Variants in WDR33 observed in about 807,000 individuals in gnomAD.
The protein encoded by WDR33 is WD repeat domain 33, also known as pre-mRNA 3' end processing protein WDR33.
In WDR33, 47 loss-of-function variants were observed where a neutral mutation model predicts 164.9. That is an observed-to-expected ratio of 0.29 (90% CI 0.23 to 0.36). The LOEUF is 0.36. WDR33 is among the 10% of genes least tolerant of loss of function. WDR33 has a pLI of 1.00. For missense variants in WDR33, 1,137 were observed against 1,754.1 expected (o/e 0.65, Z 6.28); for synonymous variants, 505 against 589.0 (o/e 0.86, Z 2.06).
chr2:127,713,916 C>G lies in WDR33; in HGVS notation c.2975G>C (p.Gly992Ala). The G allele has an allele frequency of 6.2e-7, 1 of 1,611,200 alleles. No homozygotes were observed. The highest frequency in any genetic ancestry group is 2.2e-5 in the East Asian group (1 of 44,866). ...AGGGGGACCCCTGCAGTCCTGGCCA[C>G]CCCGGAAAGGCCCCCTCTCGGGCCC... Reference protein sequence around the residue: ...EHGPERGPFRGGQDCRGPPDR... With the variant: ...EHGPERGPFRAGQDCRGPPDR... Residue 992 changes from glycine to alanine, a missense_variant, in exon 18 of 22, where the codon GGT (glycine) becomes GCT (alanine). Physicochemically the swap from Gly to Ala is moderately conservative, Grantham distance 60. This residue lies in a region of WDR33 where 867 missense variants were observed against 1,073.0 expected (regional missense o/e 0.81). Coordinates refer to ENST00000322313, the MANE Select transcript of WDR33 (RefSeq NM_018383.5). The surrounding 1 kb of genome is among the most constrained non-coding windows in gnomAD (Gnocchi z 6.2).
intron 7 of WDR33, among the ~76,000 whole-genome samples, chr2:127,755,034 C>T (rs1003271158): frequency 2.0e-5 from 3 of 152,114 alleles, no homozygotes; most frequent in African/African-American, 4.8e-5. Flanking sequence ...AAGAACATGA[C>T]ACCTCAAGAG....
rs1051825220 is a variant in WDR33, at chr2:127,702,761, C to A, written c.*3562G>T. 6.0e-6 allele frequency: 1 copy of A among 166,940 alleles called. No individual in the cohort carries two copies. The highest frequency in any genetic ancestry group is 1.5e-5 in the Non-Finnish European group (1 of 68,102). The allele number at this position is 166,940 out of a possible 1,614,324, so 10.3% of individuals were successfully genotyped here. A position where few individuals can be genotyped will look rare whatever the true frequency, so the allele number is the denominator to read the frequency against. On this transcript the variant is annotated 3_prime_UTR_variant, in exon 22 of 22. Transcript: ENST00000322313. Reference sequence around the variant, plus strand: ...AGTTAACAAAATCATAAATATGGTGCCTTATAACATGAAAGGAAAATTAGT... The same window carrying A: ...AGTTAACAAAATCATAAATATGGTGACTTATAACATGAAAGGAAAATTAGT...
rs190871811 is a variant in WDR33 at position 127,804,967 on chromosome 2, G to A, written c.-24+6045C>T. On this transcript the variant is annotated intron_variant, in intron 1 of 21. Transcript: ENST00000322313. ...AGGTAAATTTGGCATTGTAAATAACGCAAGCTAACATCTGGCAGTCCCTAC... is the reference window on the plus strand; with the variant it reads ...AGGTAAATTTGGCATTGTAAATAACACAAGCTAACATCTGGCAGTCCCTAC... 2.7e-3 allele frequency among the ~76,000 whole-genome samples: 397 copies of A among 149,808 alleles called. 1 individual carries two copies. The highest frequency in any genetic ancestry group is 9.3e-3 in the African/African-American group (379 of 40,744).
rs748395534 is a variant in WDR33, at chr2:127,708,861, G to A, written c.3597C>T (p.Pro1199=). The A allele has an allele frequency of 2.5e-6, 4 of 1,588,884 alleles. No homozygotes were observed. The highest frequency in any genetic ancestry group is 3.4e-6 in the Non-Finnish European group (4 of 1,164,668). ...GPGHEHFRDT[P]RPDHPPHDGH... ...CGTCGTGAGGGGGATGATCAGGGCG[G>A]GGAGTATCACGAAAATGTTCATGAC... Residue 1199 remains proline, a synonymous_variant, in exon 21 of 22, where the codon CCC becomes CCT. Coordinates refer to ENST00000322313, the MANE Select transcript of WDR33 (RefSeq NM_018383.5). The surrounding 1 kb of genome is among the most constrained non-coding windows in gnomAD (Gnocchi z 6.7).
rs1232183384 is a variant in WDR33 at position 127,738,363 on chromosome 2, AGT to A, written c.725-11588_725-11587del. ...ATATAAGCAAATAACTGAATAAATA[AGT>A]GGAGAAGAGTGAAGTCTCCCATGCC... On this transcript the variant is annotated intron_variant, in intron 7 of 21. Coordinates refer to ENST00000322313, the MANE Select transcript of WDR33 (RefSeq NM_018383.5). This position sits in a 1 kb window ranked among gnomAD's most constrained non-coding sequence, Gnocchi z 4.4. Among the ~76,000 whole-genome samples the A allele has an allele frequency of 2.0e-5, 3 of 152,216 alleles. No individual in the cohort carries two copies. Among genetic ancestry groups the A allele is most frequent in the African/African-American group, 7.2e-5 (3 of 41,462 alleles).
rs1687737578 is a variant in WDR33, at chr2:127,763,461, T to C, written c.627-302A>G. ...TTTTCTATGATACGAGGAAATCACA[T>C]GAAGCTGCCTTAAGTGGTGAAAATA... On this transcript the variant is annotated intron_variant, in intron 6 of 21. Coordinates refer to ENST00000322313, the MANE Select transcript of WDR33 (RefSeq NM_018383.5). The surrounding 1 kb of genome is among the most constrained non-coding windows in gnomAD (Gnocchi z 4.5). 1 of 1,123,794 alleles carries C rather than the reference T, an allele frequency of 8.9e-7. No individual in the cohort carries two copies. Among genetic ancestry groups the C allele is most frequent in the African/African-American group, 1.6e-5 (1 of 61,938 alleles). 69.6% of individuals were successfully genotyped at this position (1,123,794 alleles called of 1,614,324 possible). A position where few individuals can be genotyped will look rare whatever the true frequency, so the allele number is the denominator to read the frequency against.
intron 1 of WDR33, among the ~76,000 whole-genome samples, chr2:127,797,536 T>A (rs937821189): frequency 6.6e-6 from 1 of 152,084 alleles, no homozygotes; most frequent in African/African-American, 2.4e-5. Context: ...CAAGCTATAT[T>A]ATGAAATGTT....
In WDR33 at chr2:127,715,107, T is replaced by TTG. The variant is rs1355253495; in HGVS notation, c.2870-1087_2870-1086insCA. On this transcript the variant is annotated intron_variant, in intron 17 of 21. Transcript: ENST00000322313. ...TTGTTTCTTTTTTTTTTTTTTTTTT[T>TTG]TTTGAGACAGAGGCTTACTCTGTCA... Among the ~76,000 whole-genome samples, 93 of 149,164 alleles carry TTG rather than the reference T, an allele frequency of 6.2e-4. 1 individual carries two copies. The highest frequency in any genetic ancestry group is 2.1e-3 in the African/African-American group (87 of 40,470).
chr2:127,743,433 G>C (rs1446981844), intron 7 of WDR33, among the ~76,000 whole-genome samples: 8 of 152,010 alleles, frequency 5.3e-5, no homozygotes, highest in Non-Finnish European at 8.8e-5. Context: ...ACTACCACAA[G>C]ATTATCACTC....
At chr2:127,786,777 C>T (rs1688589655) in intron 1 of WDR33, among the ~76,000 whole-genome samples, 1 of 150,838 alleles carries the variant, frequency 6.6e-6, no homozygotes, top group African/African-American at 2.4e-5. Context: ...TTGTAGATTC[C>T]TTGGGATTTT....
intron 1 of WDR33, among the ~76,000 whole-genome samples, chr2:127,788,318 G>C (rs1168841724): frequency 9.4e-6 from 1 of 106,302 alleles, no homozygotes; most frequent in Non-Finnish European, 2.0e-5. Flanking sequence ...CCTCCCTCCC[G>C]GACGGGGCGG....
At position 127,763,715 on chromosome 2, in the gene WDR33, G is replaced by A; in HGVS notation, c.627-556C>T. On this transcript the variant is annotated intron_variant, in intron 6 of 21. Coordinates refer to ENST00000322313, the MANE Select transcript of WDR33 (RefSeq NM_018383.5). The surrounding 1 kb of genome is among the most constrained non-coding windows in gnomAD (Gnocchi z 4.5). ...CTTCCTGGCAAGCTATTCCATGAAT[G>A]TTGCACCTTTGAGGAAAACTTTAAA... The A allele has an allele frequency of 1.0e-6, 1 of 985,636 alleles. No individual in the cohort carries two copies. Among genetic ancestry groups the A allele is most frequent in the Non-Finnish European group, 1.2e-6 (1 of 830,084 alleles). The allele number at this position is 985,636 out of a possible 1,614,324, so 61.1% of individuals were successfully genotyped here.
At position 127,702,132 on chromosome 2, in the gene WDR33, C is replaced by T. The variant is rs1280531722; in HGVS notation, c.*4191G>A. On this transcript the variant is annotated 3_prime_UTR_variant, in exon 22 of 22. Coordinates refer to ENST00000322313, the MANE Select transcript of WDR33 (RefSeq NM_018383.5). The stretch of plus-strand genomic sequence containing the variant: ...CACCGCGCTGCGCCTCGCACTGGGT[C>T]GCCTGGGCCGCGGCGCCGGCCTCGC... The T allele has an allele frequency of 3.3e-6, 4 of 1,215,856 alleles. No individual in the cohort carries two copies. The allele number at this position is 1,215,856 out of a possible 1,614,324, so 75.3% of individuals were successfully genotyped here.
intron 1 of WDR33, among the ~76,000 whole-genome samples, chr2:127,782,203 T>G (rs906793975): frequency 6.6e-6 from 1 of 152,022 alleles, no homozygotes; most frequent in Admixed American, 6.6e-5. Context: ...GGTCAGCAAT[T>G]CACGACCAGC....
In WDR33 at chr2:127,709,065, G is replaced by C. The variant is rs1378992134; in HGVS notation, c.3566-173C>G. On this transcript the variant is annotated intron_variant, in intron 20 of 21. Coordinates refer to ENST00000322313, the MANE Select transcript of WDR33 (RefSeq NM_018383.5). This position sits in a 1 kb window ranked among gnomAD's most constrained non-coding sequence, Gnocchi z 5.0. Reference sequence around the variant, plus strand: ...CATCAGGGTGCCTCCTCATGTAAGAGGGGCAGGTAAGATCCAGAGAACTCG... The same window carrying C: ...CATCAGGGTGCCTCCTCATGTAAGACGGGCAGGTAAGATCCAGAGAACTCG... Among the ~76,000 whole-genome samples, 1 of 152,158 alleles carries C rather than the reference G, an allele frequency of 6.6e-6. No individual in the cohort carries two copies. The highest frequency in any genetic ancestry group is 1.5e-5 in the Non-Finnish European group (1 of 68,032).
chr2:127,775,129 G>C (rs1688145248), intron 1 of WDR33, among the ~76,000 whole-genome samples: 1 of 152,086 alleles, frequency 6.6e-6, no homozygotes, highest in Non-Finnish European at 1.5e-5. Flanking sequence ...GGCTACAACA[G>C]TGAATTCTCT....
At chr2:127,785,736 C>A (rs540650263) in intron 1 of WDR33, among the ~76,000 whole-genome samples, 1 of 152,250 alleles carries the variant, frequency 6.6e-6, no homozygotes, top group Non-Finnish European at 1.5e-5. Context: ...TGAAAGACAT[C>A]TGGGTTGCCT....
chr2:127,771,130 A>C (rs1042921932), intron 1 of WDR33, 126 bp from the exon 2 acceptor site: 1 of 735,706 alleles, frequency 1.4e-6, no homozygotes. Flanking sequence ...CCACTTACAC[A>C]ATGAACTACA....
Position 127,701,769 on chromosome 2 carries a change from G to T in WDR33, c.*4554C>A, listed in dbSNP as rs1331296528. 7.0e-6 allele frequency: 10 copies of T among 1,427,224 alleles called. No individual in the cohort carries two copies. The highest frequency in any genetic ancestry group is 9.2e-6 in the Non-Finnish European group (10 of 1,090,380). The allele number at this position is 1,427,224 out of a possible 1,614,324, so 88.4% of individuals were successfully genotyped here. A position where few individuals can be genotyped will look rare whatever the true frequency, so the allele number is the denominator to read the frequency against. On this transcript the variant is annotated 3_prime_UTR_variant, in exon 22 of 22. Transcript: ENST00000322313. The stretch of plus-strand genomic sequence containing the variant: ...GCGCGGGCAGCGGCTGGCGGCGGGC[G>T]GCGGGTGCCTGCTGCTGGCTGCACT...
Sources: allele counts gnomAD v4.1 joint callset (sites outside exome capture counted in the v4.1 genomes callset), GRCh38; gene constraint gnomAD v4.1.1; regional missense constraint gnomAD v4.1.1; non-coding constraint Gnocchi (gnomAD v3.1); transcripts MANE v1.5; gene names NCBI Gene and HGNC (gene_info 2026-07-23, HGNC 2026-07-21).